The following LHX2 variants were observed in gnomAD, a reference collection of about 807,000 sequenced individuals.
LHX2 encodes LIM/homeobox protein Lhx2.
In LHX2, 6 loss-of-function variants were observed where a neutral mutation model predicts 33.0. The ratio of observed to expected loss-of-function variants is 0.18; its 90% confidence interval spans 0.10 to 0.36. The LOEUF (loss-of-function observed/expected upper bound fraction) is 0.36, where lower values mean the gene tolerates loss of function less well. Ranked by LOEUF, LHX2 falls within the 10% of genes least tolerant of loss-of-function variation. LHX2 has a pLI of 1.00. For missense variants in LHX2, 442 were observed against 586.2 expected, an observed-to-expected ratio of 0.75 and a Z score of 2.54; for synonymous variants, 292 against 253.1, an observed-to-expected ratio of 1.15 and a Z score of -1.46.
rs1859147622 is a variant in LHX2, at chr9:124,014,290, C to A, written c.323+127C>A. 3.2e-6 allele frequency: 2 copies of A among 625,620 alleles called. No homozygotes were observed. The highest frequency in any genetic ancestry group is 3.7e-5 in the African/African-American group (2 of 54,734). 38.8% of individuals were successfully genotyped at this position (625,620 alleles called of 1,614,324 possible). A position where few individuals can be genotyped will look rare whatever the true frequency, so the allele number is the denominator to read the frequency against. On this transcript the variant is annotated intron_variant, in intron 2 of 4. Transcript: ENST00000373615. This position sits in a 1 kb window ranked among gnomAD's most constrained non-coding sequence, Gnocchi z 4.8. The stretch of plus-strand genomic sequence containing the variant: ...TCACTACTCAGGACTCCCCCGCTCC[C>A]CCCCCAAGTTCTCCAAGCCACCACA...
chr9:124,027,841 C>G (rs1401030037), intron 4 of LHX2, among the ~76,000 whole-genome samples: 1 of 152,098 alleles, frequency 6.6e-6, no homozygotes, highest in Non-Finnish European at 1.5e-5. Context: ...CCTGGCACTT[C>G]ATGAGGAATA....
At chr9:124,028,906 A>G (rs992317215) in intron 4 of LHX2, among the ~76,000 whole-genome samples, 17 of 152,134 alleles carry the variant, frequency 1.1e-4, no homozygotes, top group African/African-American at 3.4e-4. Context: ...TCAGGAGTTC[A>G]AGACCAGCCT....
At position 124,015,202 on chromosome 9, in the gene LHX2, T is replaced by C; in HGVS notation, c.404T>C (p.Val135Ala). 6.2e-7 allele frequency: 1 copy of C among 1,614,052 alleles called. No individual in the cohort carries two copies. Among genetic ancestry groups the C allele is most frequent in the African/African-American group, 1.3e-5 (1 of 75,022 alleles). ...SEMVMRARDL[V>A]YHLNCFTCTT... ...ATGGTGATGCGCGCTCGGGACTTGG[T>C]TTATCACCTCAACTGCTTCACGTGC... is the stretch of plus-strand genomic sequence containing the variant. The change falls in exon 3 of 5, where the codon GTT (valine) becomes GCT (alanine). Residue 135 changes from valine to alanine, a missense_variant. Transcript: ENST00000373615. This position sits in a 1 kb window ranked among gnomAD's most constrained non-coding sequence, Gnocchi z 7.9.
At position 124,033,269 on chromosome 9, in the gene LHX2, T is replaced by G. The variant is rs1479441556; in HGVS notation, c.*562T>G. 1 of 152,132 alleles carries G rather than the reference T, an allele frequency of 6.6e-6. No individual in the cohort carries two copies. The highest frequency in any genetic ancestry group is 2.4e-5 in the African/African-American group (1 of 41,436). 9.4% of individuals were successfully genotyped at this position (152,132 alleles called of 1,614,324 possible). On this transcript the variant is annotated 3_prime_UTR_variant, in exon 5 of 5. Coordinates refer to ENST00000373615, the MANE Select transcript of LHX2 (RefSeq NM_004789.4). ...TGTTCGAATATCAGAATTTGTAAAA[T>G]CTAACCAGTAATAAAACCACTTATT...
In LHX2 at chr9:124,016,092, C is replaced by T. The variant is rs1378120604; in HGVS notation, c.727+567C>T. Among the ~76,000 whole-genome samples, 1 of 152,260 alleles carries T rather than the reference C, an allele frequency of 6.6e-6. No homozygotes were observed. The highest frequency in any genetic ancestry group is 1.5e-5 in the Non-Finnish European group (1 of 68,052). On this transcript the variant is annotated intron_variant, in intron 3 of 4. Transcript: ENST00000373615. This position sits in a 1 kb window ranked among gnomAD's most constrained non-coding sequence, Gnocchi z 4.4. ...GGTTCCTTTTGCTCGGCCCGATCCT[C>T]CTTTAAAGACAGGTCTCAGTTTTCC...
chr9:124,015,404 C>A lies in LHX2; in HGVS notation c.606C>A (p.Gly202=), dbSNP rs1236729567. ...CGGCGGCCAAGAGCGCGGGGCTGGGCGCAGCAGGGGCCAACCCTCTGGGTC... is the reference window on the plus strand; with the variant it reads ...CGGCGGCCAAGAGCGCGGGGCTGGGAGCAGCAGGGGCCAACCCTCTGGGTC... ...AAAAAKSAGL[G]AAGANPLGLP... The change falls in exon 3 of 5, where the codon GGC becomes GGA. Residue 202 remains glycine, a synonymous_variant. Coordinates refer to ENST00000373615, the MANE Select transcript of LHX2 (RefSeq NM_004789.4). The surrounding 1 kb of genome is among the most constrained non-coding windows in gnomAD (Gnocchi z 7.9). The A allele has an allele frequency of 3.1e-6, 5 of 1,606,206 alleles. No individual in the cohort carries two copies. The highest frequency in any genetic ancestry group is 1.3e-5 in the African/African-American group (1 of 74,608).
Position 124,032,691 on chromosome 9 carries a change from T to A in LHX2, c.1205T>A (p.Leu402His). 6.3e-7 allele frequency: 1 copy of A among 1,586,600 alleles called. No homozygotes were observed. Among genetic ancestry groups the A allele is most frequent in the Non-Finnish European group, 8.6e-7 (1 of 1,159,902 alleles). ...HEPHSPSQTTLTNLF is the reference protein window; with the variant it reads ...HEPHSPSQTTHTNLF Reference sequence around the variant, plus strand: ...CCTCACAGCCCCTCACAAACGACTCTTACCAACCTTTTCTAATGACTCGCA... The same window carrying A: ...CCTCACAGCCCCTCACAAACGACTCATACCAACCTTTTCTAATGACTCGCA... Residue 402 changes from leucine to histidine, a missense_variant, in exon 5 of 5, where the codon CTT becomes CAT. Around this residue, in one of 5 missense-constraint regions of LHX2, gnomAD observed 109 missense variants for 98.7 expected, o/e 1.10. Transcript: ENST00000373615. This position sits in a 1 kb window ranked among gnomAD's most constrained non-coding sequence, Gnocchi z 4.1.
intron 4 of LHX2, among the ~76,000 whole-genome samples, chr9:124,025,015 T>C (rs1388915113): frequency 6.6e-6 from 1 of 152,194 alleles, no homozygotes; most frequent in African/African-American, 2.4e-5. Context: ...CAGAAACCTC[T>C]AGTAAAGTGC....
chr9:124,017,702 G>T (rs922933243), intron 3 of LHX2, among the ~76,000 whole-genome samples: 1 of 152,118 alleles, frequency 6.6e-6, no homozygotes, highest in Non-Finnish European at 1.5e-5. Flanking sequence ...AGGCGCGGCG[G>T]CACCTTACTG....
chr9:124,029,078 C>T (rs1478341076), intron 4 of LHX2, among the ~76,000 whole-genome samples: 1 of 152,056 alleles, frequency 6.6e-6, no homozygotes, highest in Admixed American at 6.5e-5. Flanking sequence ...TGCCACTGCA[C>T]TCCAGCCTGG....
chr9:124,024,560 G>T (rs1023244849), intron 4 of LHX2, among the ~76,000 whole-genome samples: 1 of 152,172 alleles, frequency 6.6e-6, no homozygotes, highest in African/African-American at 2.4e-5. Flanking sequence ...CTATGAAATG[G>T]GGATGAGAAG....
Position 124,012,512 on chromosome 9 carries a change from G to A in LHX2, c.120+44G>A. The stretch of plus-strand genomic sequence containing the variant: ...GGTCGGGGCTGAGAGCTGGGATGGG[G>A]CCGGGCCAGTCAGCGCCTCTGCTCC... On this transcript the variant is annotated intron_variant, in intron 1 of 4. Coordinates refer to ENST00000373615, the MANE Select transcript of LHX2 (RefSeq NM_004789.4). This position sits in a 1 kb window ranked among gnomAD's most constrained non-coding sequence, Gnocchi z 4.3. 2 of 1,476,672 alleles carry A rather than the reference G, an allele frequency of 1.4e-6. No homozygotes were observed. Among genetic ancestry groups the A allele is most frequent in the Non-Finnish European group, 1.8e-6 (2 of 1,116,120 alleles). The allele number at this position is 1,476,672 out of a possible 1,614,324, so 91.5% of individuals were successfully genotyped here.
intron 1 of LHX2, 121 bp from the exon 2 acceptor site, chr9:124,013,840 G>T: frequency 1.2e-6 from 1 of 852,440 alleles, no homozygotes; most frequent in Non-Finnish European, 1.8e-6. Flanking sequence ...TGTCCTGGCA[G>T]CCCCCTCCGC....
At chr9:124,028,421 G>A (rs1025679777) in intron 4 of LHX2, among the ~76,000 whole-genome samples, 2 of 152,210 alleles carry the variant, frequency 1.3e-5, no homozygotes, top group African/African-American at 4.8e-5. Context: ...TTCAGAAGAT[G>A]GGTGGGTGGG....
rs1168529734 is a variant in LHX2, at chr9:124,015,419, C to T, written c.621C>T (p.Asn207=). The T allele has an allele frequency of 6.3e-7, 1 of 1,599,690 alleles. No individual in the cohort carries two copies. The highest frequency in any genetic ancestry group is 8.5e-7 in the Non-Finnish European group (1 of 1,173,090). ...KSAGLGAAGA[N]PLGLPYYNGV... ...CGGGGCTGGGCGCAGCAGGGGCCAA[C>T]CCTCTGGGTCTTCCCTACTACAATG... Residue 207 remains asparagine, a synonymous_variant, in exon 3 of 5, where the codon AAC becomes AAT. Transcript: ENST00000373615. This position sits in a 1 kb window ranked among gnomAD's most constrained non-coding sequence, Gnocchi z 7.9.
At position 124,033,140 on chromosome 9, in the gene LHX2, G is replaced by A. The variant is rs529559828; in HGVS notation, c.*433G>A. The A allele has an allele frequency of 6.7e-6, 1 of 149,844 alleles. No individual in the cohort carries two copies. The highest frequency in any genetic ancestry group is 6.7e-5 in the Admixed American group (1 of 14,854). The allele number at this position is 149,844 out of a possible 1,614,324, so 9.3% of individuals were successfully genotyped here. On this transcript the variant is annotated 3_prime_UTR_variant, in exon 5 of 5. Transcript: ENST00000373615. ...ACAAAAAAAACAACAAAAAAAGTTT[G>A]TTACTTTGAATAGTCCTAAAAAGAA...
chr9:124,022,859 G>A (rs963095608), intron 4 of LHX2, among the ~76,000 whole-genome samples: 2 of 152,186 alleles, frequency 1.3e-5, no homozygotes, highest in East Asian at 1.9e-4. Flanking sequence ...GGGAGCGGGC[G>A]AGGGGCTGCG....
intron 3 of LHX2, 51 bp from the exon 4 acceptor site, chr9:124,021,048 A>T (rs577761848): frequency 5.7e-6 from 9 of 1,567,588 alleles, no homozygotes; most frequent in Non-Finnish European, 7.9e-6. Flanking sequence ...TGGATTTGGC[A>T]TGGGGGGCGG....
intron 4 of LHX2, among the ~76,000 whole-genome samples, chr9:124,028,576 C>T (rs371114558): frequency 2.0e-5 from 3 of 152,178 alleles, no homozygotes; most frequent in African/African-American, 4.8e-5. Context: ...GGGACAAACC[C>T]GAGGTCACGT....
Sources: allele counts gnomAD v4.1 joint callset (sites outside exome capture counted in the v4.1 genomes callset), GRCh38; gene constraint gnomAD v4.1.1; regional missense constraint gnomAD v4.1.1; non-coding constraint Gnocchi (gnomAD v3.1); transcripts MANE v1.5; gene names NCBI Gene and HGNC (gene_info 2026-07-23, HGNC 2026-07-21).